The following ZFYVE9 variants were observed in gnomAD, a reference collection of about 807,000 sequenced individuals.
ZFYVE9 encodes the protein zinc finger FYVE-type containing 9.
A neutral mutation model predicts 126.7 loss-of-function variants in ZFYVE9; 43 were observed. The ratio of observed to expected loss-of-function variants is 0.34; its 90% CI spans 0.27 to 0.44. ZFYVE9 has a LOEUF of 0.44. Among genes scored for constraint, ZFYVE9 ranks in the 20% least tolerant of loss-of-function variants. ZFYVE9 has a pLI of 1.00. For missense variants in ZFYVE9, 1,476 were observed against 1,697.0 expected (o/e 0.87, Z 2.29); for synonymous variants, 521 against 597.4 (o/e 0.87, Z 1.87).
chr1:52,333,021 CACAA>C lies in ZFYVE9; in HGVS notation c.3589+109_3589+112del, dbSNP rs1646356701. ...AACACTCACTTTCTAGATAGGTGAC[CACAA>C]ACAAATTAATTAACCTTTCCAACCA... On this transcript the variant is annotated intron_variant, in intron 14 of 18. Transcript: ENST00000287727. 2.8e-6 allele frequency: 4 copies of C among 1,420,864 alleles called. No homozygotes were observed. The Admixed American group carries it at 8.6e-5, about 31-fold the overall frequency. The allele number at this position is 1,420,864 out of a possible 1,614,324, so 88.0% of individuals were successfully genotyped here. A position where few individuals can be genotyped will look rare whatever the true frequency, so the allele number is the denominator to read the frequency against.
intron 1 of ZFYVE9, chr1:52,162,925 C>T: frequency 4.0e-6 from 2 of 504,298 alleles, no homozygotes; most frequent in Non-Finnish European, 7.6e-6. Flanking sequence ...AGATCCTGAC[C>T]ATCTCTCCAA....
At chr1:52,322,926 T>C (rs1486511382) in intron 13 of ZFYVE9, among the ~76,000 whole-genome samples, 2 of 152,094 alleles carry the variant, frequency 1.3e-5, no homozygotes, top group African/African-American at 4.8e-5. Context: ...TGCCTCAGCC[T>C]CCTGAGTAGC....
chr1:52,211,387 C>T (rs1645027377), intron 1 of ZFYVE9, among the ~76,000 whole-genome samples: 1 of 152,096 alleles, frequency 6.6e-6, no homozygotes, highest in Admixed American at 6.5e-5. Context: ...TAGTAGCAGC[C>T]ATTTAAAAAA....
chr1:52,263,770 CA>C lies in ZFYVE9; in HGVS notation c.2179-2del. 3 of 1,073,240 alleles carry C rather than the reference CA, an allele frequency of 2.8e-6. No homozygotes were observed. Among genetic ancestry groups the C allele is most frequent in the Non-Finnish European group, 3.9e-6 (3 of 773,300 alleles). 66.5% of individuals were successfully genotyped at this position (1,073,240 alleles called of 1,614,324 possible). ...TGTGTTCTTCCCCCCCCCCCCCCCA[CA>C]GGTTTTCTGTGCTTCCTGCTGTAGC... is the stretch of plus-strand genomic sequence containing the variant. On this transcript the variant is annotated splice_acceptor_variant, in intron 4 of 18. Transcript: ENST00000287727. LOFTEE classifies it high-confidence loss of function.
chr1:52,319,847 T>C (rs1646221811), intron 13 of ZFYVE9, among the ~76,000 whole-genome samples: 1 of 150,718 alleles, frequency 6.6e-6, no homozygotes, highest in African/African-American at 2.4e-5. Context: ...ATCCCATCTC[T>C]ACTAAAAATA....
Position 52,316,813 on chromosome 1 carries a change from G to T in ZFYVE9, c.3438+12888G>T, listed in dbSNP as rs80130922. 2.7e-3 allele frequency among the ~76,000 whole-genome samples: 413 copies of T among 152,292 alleles called. 13 individuals are homozygous for T. The East Asian group carries it at 0.075, about 28-fold the overall frequency. On this transcript the variant is annotated intron_variant, in intron 13 of 18. Transcript: ENST00000287727. ...GTAAATAGAAAATCAGCGGGACTAT[G>T]GAAAACTTGAAGAACACAGCCAATT... is the stretch of plus-strand genomic sequence containing the variant.
chr1:52,211,577 G>T (rs886722026), intron 1 of ZFYVE9, among the ~76,000 whole-genome samples: 1 of 152,154 alleles, frequency 6.6e-6, no homozygotes, highest in African/African-American at 2.4e-5. Context: ...TGTACCTGCA[G>T]TCGTAGCTAC....
intron 4 of ZFYVE9, among the ~76,000 whole-genome samples, chr1:52,246,930 G>A (rs180779480): frequency 1.4e-3 from 218 of 151,960 alleles, no homozygotes; most frequent in Non-Finnish European, 2.6e-3. Context: ...CTGGTCTCGA[G>A]CTCCTGACCT....
At position 52,237,743 on chromosome 1, in the gene ZFYVE9, C is replaced by T. The variant is rs775720106; in HGVS notation, c.326C>T (p.Ala109Val). 6.2e-7 allele frequency: 1 copy of T among 1,614,104 alleles called. No individual in the cohort carries two copies. The highest frequency in any genetic ancestry group is 1.1e-5 in the South Asian group (1 of 91,078). ...EIATMWIDENAVAEDQLIKRN... is the reference protein window; with the variant it reads ...EIATMWIDENVVAEDQLIKRN... Reference sequence around the variant, plus strand: ...GCCACAATGTGGATTGATGAAAATGCTGTTGCAGAAGACCAGTTAATTAAG... The same window carrying T: ...GCCACAATGTGGATTGATGAAAATGTTGTTGCAGAAGACCAGTTAATTAAG... The change falls in exon 4 of 19, where the codon GCT becomes GTT. Residue 109 changes from alanine (A) to valine (V), a missense_variant. Ala to Val is a moderately conservative substitution (Grantham distance 64). Coordinates refer to ENST00000287727, the MANE Select transcript of ZFYVE9 (RefSeq NM_004799.4).
intron 13 of ZFYVE9, among the ~76,000 whole-genome samples, chr1:52,313,443 C>T (rs984008155): frequency 2.6e-5 from 4 of 152,034 alleles, no homozygotes; most frequent in Non-Finnish European, 5.9e-5. Context: ...AGAGAGCCTA[C>T]GATGGTTAGA....
intron 9 of ZFYVE9, among the ~76,000 whole-genome samples, chr1:52,280,181 AGCCTGGGCAAC>A (rs1645787778): frequency 6.7e-6 from 1 of 149,874 alleles, no homozygotes; most frequent in South Asian, 2.1e-4. Context: ...GTTCGAGACT[AGCCTGGGCAAC>A]ATGGTGAAAC....
chr1:52,269,691 A>C (rs1311422193), intron 7 of ZFYVE9, among the ~76,000 whole-genome samples: 1 of 152,168 alleles, frequency 6.6e-6, no homozygotes, highest in Non-Finnish European at 1.5e-5. Flanking sequence ...GCAGAGGGTG[A>C]CAGCCAGAAC....
At chr1:52,324,857 G>A (rs1002866187) in intron 13 of ZFYVE9, among the ~76,000 whole-genome samples, 4 of 152,154 alleles carry the variant, frequency 2.6e-5, no homozygotes, top group African/African-American at 7.2e-5. Context: ...TTATTTGGCC[G>A]GGTACAGTGG....
In ZFYVE9 at chr1:52,245,857, G is replaced by A. The variant is rs147568605; in HGVS notation, c.2178+6262G>A. On this transcript the variant is annotated intron_variant, in intron 4 of 18. Transcript: ENST00000287727. ...AAAGTTGAGAGAATAAAACAAATAG[G>A]TTTCTTTATGGTGATCTTTATGTTA... Among the ~76,000 whole-genome samples, 37 of 152,234 alleles carry A rather than the reference G, an allele frequency of 2.4e-4. No homozygotes were observed. The East Asian group carries it at 3.1e-3, about 13-fold the overall frequency.
chr1:52,251,859 C>T (rs1207092229), intron 4 of ZFYVE9, among the ~76,000 whole-genome samples: 1 of 152,102 alleles, frequency 6.6e-6, no homozygotes, highest in Non-Finnish European at 1.5e-5. Flanking sequence ...CTGATTCAGT[C>T]TCCCCACTAG....
rs1034216543 is a variant in ZFYVE9, at chr1:52,335,903, G to T, written c.3670+1135G>T. Among the ~76,000 whole-genome samples the T allele has an allele frequency of 5.3e-5, 8 of 152,264 alleles. No individual in the cohort carries two copies. The East Asian group carries it at 1.2e-3, about 22-fold the overall frequency. On this transcript the variant is annotated intron_variant, in intron 15 of 18. Coordinates refer to ENST00000287727, the MANE Select transcript of ZFYVE9 (RefSeq NM_004799.4). Reference sequence around the variant, plus strand: ...AATCTCAGCACTTTGGGAGGCCGAGGGGGGCAGATCACTTGAGGTCAGGAG... The same window carrying T: ...AATCTCAGCACTTTGGGAGGCCGAGTGGGGCAGATCACTTGAGGTCAGGAG...
At chr1:52,278,335 A>C (rs1645767990) in intron 8 of ZFYVE9, among the ~76,000 whole-genome samples, 157 bp from the exon 9 acceptor site, 1 of 152,222 alleles carries the variant, frequency 6.6e-6, no homozygotes, top group Non-Finnish European at 1.5e-5. Context: ...TATTAATTTG[A>C]TACTGAGCCA....
intron 1 of ZFYVE9, among the ~76,000 whole-genome samples, chr1:52,168,712 TC>T (rs1433556181): frequency 1.3e-5 from 2 of 151,790 alleles, no homozygotes; most frequent in African/African-American, 2.4e-5. Flanking sequence ...GACAAGGTCT[TC>T]CTATGTTGTC....
intron 4 of ZFYVE9, among the ~76,000 whole-genome samples, chr1:52,240,042 A>G (rs758779441): frequency 6.6e-6 from 1 of 152,190 alleles, no homozygotes; most frequent in Non-Finnish European, 1.5e-5. Flanking sequence ...AATCCATCCT[A>G]CTTTTTTCTG....
Sources: allele counts gnomAD v4.1 joint callset (sites outside exome capture counted in the v4.1 genomes callset), GRCh38; gene constraint gnomAD v4.1.1; transcripts MANE v1.5; gene names NCBI Gene and HGNC (gene_info 2026-07-23, HGNC 2026-07-21).